HMCN1: variants seen among roughly 807,000 people sequenced by gnomAD.
HMCN1 encodes the protein hemicentin 1.
In HMCN1, 321 loss-of-function variants were observed where a neutral mutation model predicts 625.9. The ratio of observed to expected loss-of-function variants is 0.51; its 90% CI spans 0.47 to 0.56. The LOEUF (loss-of-function observed/expected upper bound fraction) is 0.56. Ranked by LOEUF, HMCN1 falls within the 20% of genes least tolerant of loss-of-function variation. The probability of loss-of-function intolerance (pLI) is 0.00; values close to 1 mark genes in which losing one functional copy is unlikely to be tolerated. For missense variants in HMCN1, 6,588 were observed against 6,887.3 expected (o/e 0.96, Z 1.54); for synonymous variants, 2,425 against 2,417.6 (o/e 1.00, Z -0.09).
chr1:186,182,053 TA>T, intron 104 of HMCN1, 114 bp from the exon 105 acceptor site: 1 of 1,180,968 alleles, frequency 8.5e-7, no homozygotes, highest in Non-Finnish European at 1.3e-6. Flanking sequence ...CACATGAGTA[TA>T]AAATCACCAA....
At position 186,117,528 on chromosome 1, in the gene HMCN1, G is replaced by A; in HGVS notation, c.11753G>A (p.Cys3918Tyr). 6.2e-7 allele frequency: 1 copy of A among 1,613,532 alleles called. No homozygotes were observed. The highest frequency in any genetic ancestry group is 8.5e-7 in the Non-Finnish European group (1 of 1,179,534). ...VTKHAPAVIT[C>Y]TASGVPFPSI... ...AAACATGCCCCAGCAGTAATTACCT[G>A]CACTGCTTCGGGAGTTCCATTTCCC... Residue 3918 changes from cysteine to tyrosine, a missense_variant, in exon 77 of 107, where the codon TGC becomes TAC. By Grantham distance (194) the Cys-to-Tyr change is radical. This residue lies in a region of HMCN1 where 4,628 missense variants were observed against 4,853.1 expected (regional missense o/e 0.95). Transcript: ENST00000271588.
At chr1:186,010,062 C>A (rs1653893900) in intron 30 of HMCN1, among the ~76,000 whole-genome samples, 1 of 152,086 alleles carries the variant, frequency 6.6e-6, no homozygotes, top group Admixed American at 6.6e-5. Context: ...GCTCGTCCGT[C>A]ACCTCCTGCT....
chr1:185,993,314 G>A lies in HMCN1; in HGVS notation c.3505+5G>A. 2 of 1,612,358 alleles carry A rather than the reference G, an allele frequency of 1.2e-6. No individual in the cohort carries two copies. Among genetic ancestry groups the A allele is most frequent in the East Asian group, 4.5e-5 (2 of 44,780 alleles). On this transcript the variant is annotated splice_donor_5th_base_variant and intron_variant, in intron 23 of 106. Transcript: ENST00000271588. The stretch of plus-strand genomic sequence containing the variant: ...CTGTCAAATTAAATGTCCATGGTGA[G>A]TCTTGAAATGAGAACATATGACAAC...
intron 4 of HMCN1, among the ~76,000 whole-genome samples, 163 bp downstream of exon 4, chr1:185,866,026 G>C (rs1663170422): frequency 6.6e-6 from 1 of 151,890 alleles, no homozygotes; most frequent in South Asian, 2.1e-4. Context: ...AAGAAATATA[G>C]GTATATTTAT....
chr1:185,834,036 C>A (rs564399865), intron 1 of HMCN1, among the ~76,000 whole-genome samples: 11 of 152,238 alleles, frequency 7.2e-5, no homozygotes, highest in African/African-American at 2.2e-4. Flanking sequence ...GTAGTGATTT[C>A]TGTATATTGT....
intron 96 of HMCN1, among the ~76,000 whole-genome samples, chr1:186,153,399 A>C (rs10911835): frequency 0.085 from 12,938 of 152,208 alleles, 687 homozygotes; most frequent in Admixed American, 0.15. Context: ...TGAAGGAGGC[A>C]ATAAATAAAA....
chr1:185,934,094 GATAA>G lies in HMCN1; in HGVS notation c.1828+274_1828+277del, dbSNP rs1286722005. Among the ~76,000 whole-genome samples the G allele has an allele frequency of 2.6e-5, 4 of 152,096 alleles. No individual in the cohort carries two copies. In the South Asian group the frequency reaches 6.2e-4, roughly 24 times the overall value. ...TAAAACAATATAAAAATTGTCTCTG[GATAA>G]ATAGTTTTAAATTCTTTAATCCATC... On this transcript the variant is annotated intron_variant, in intron 11 of 106. Coordinates refer to ENST00000271588, the MANE Select transcript of HMCN1 (RefSeq NM_031935.3).
chr1:186,075,454 AT>A (rs1457263893), intron 53 of HMCN1, among the ~76,000 whole-genome samples: 3 of 152,172 alleles, frequency 2.0e-5, no homozygotes, highest in Non-Finnish European at 4.4e-5. Context: ...TTGAATGATG[AT>A]TATGGCTTTT....
chr1:186,134,845 CCTT>C (rs1179875203), intron 86 of HMCN1, among the ~76,000 whole-genome samples: 1 of 152,136 alleles, frequency 6.6e-6, no homozygotes, highest in Non-Finnish European at 1.5e-5. Flanking sequence ...CCATCATGCT[CCTT>C]CTCAAGAATG....
At chr1:186,053,173 G>A (rs1657082269) in intron 43 of HMCN1, 99 bp downstream of exon 43, 3 of 1,163,928 alleles carry the variant, frequency 2.6e-6, no homozygotes, top group Admixed American at 1.8e-5. Flanking sequence ...AATTTTCCTG[G>A]GGTTTGCATA....
At chr1:185,984,604 T>C (rs1651887062) in intron 19 of HMCN1, among the ~76,000 whole-genome samples, 1 of 152,294 alleles carries the variant, frequency 6.6e-6, no homozygotes, top group African/African-American at 2.4e-5. Context: ...TGTTTAAAAA[T>C]ACATTTTAAT....
chr1:185,954,224 A>G (rs1291416206), intron 11 of HMCN1, among the ~76,000 whole-genome samples: 1 of 152,132 alleles, frequency 6.6e-6, no homozygotes, highest in Non-Finnish European at 1.5e-5. Context: ...ACAACCCATA[A>G]TGAAAAATAT....
chr1:186,055,354 T>C, intron 44 of HMCN1, 39 bp from the exon 45 acceptor site: 2 of 1,596,786 alleles, frequency 1.3e-6, no homozygotes, highest in Non-Finnish European at 1.7e-6. Context: ...AAGCAAACAT[T>C]TCCTCTTTTG....
At chr1:185,894,461 G>A (rs555069338) in intron 4 of HMCN1, among the ~76,000 whole-genome samples, 1 of 152,294 alleles carries the variant, frequency 6.6e-6, no homozygotes, top group East Asian at 1.9e-4. Flanking sequence ...GAACATTCTA[G>A]GACATTTCAT....
At chr1:185,995,804 A>C (rs1652745894) in intron 24 of HMCN1, among the ~76,000 whole-genome samples, 1 of 152,154 alleles carries the variant, frequency 6.6e-6, no homozygotes, top group South Asian at 2.1e-4. Context: ...ACTGGAAAGA[A>C]CCGGCCACAT....
At chr1:185,735,609 C>A (rs1483827263) in intron 1 of HMCN1, among the ~76,000 whole-genome samples, 2 of 152,198 alleles carry the variant, frequency 1.3e-5, no homozygotes, top group African/African-American at 2.4e-5. Flanking sequence ...TGCACCAGGG[C>A]ATCATTAGAT....
At chr1:185,747,360 CCAGGCTGGAGTG>C (rs1654485591) in intron 1 of HMCN1, among the ~76,000 whole-genome samples, 1 of 151,816 alleles carries the variant, frequency 6.6e-6, no homozygotes, top group Non-Finnish European at 1.5e-5. Context: ...ACTTCATCAC[CCAGGCTGGAGTG>C]CAGTGGCGTG....
rs181965035 is a variant in HMCN1 at position 185,976,064 on chromosome 1, A to G, written c.2372-1723A>G. On this transcript the variant is annotated intron_variant, in intron 15 of 106. Coordinates refer to ENST00000271588, the MANE Select transcript of HMCN1 (RefSeq NM_031935.3). Reference sequence around the variant, plus strand: ...AAATATAAACTCTCTAGGAAATAAAAAACAAATGTAGTCTAACAACAGGTT... The same window carrying G: ...AAATATAAACTCTCTAGGAAATAAAGAACAAATGTAGTCTAACAACAGGTT... 9.7e-3 allele frequency among the ~76,000 whole-genome samples: 1,480 copies of G among 152,308 alleles called. 12 individuals carry two copies. Among genetic ancestry groups the G allele is most frequent in the Middle Eastern group, 0.02 (6 of 294 alleles).
chr1:186,186,301 T>C (rs942577340), intron 105 of HMCN1, among the ~76,000 whole-genome samples: 3 of 152,078 alleles, frequency 2.0e-5, no homozygotes, highest in Non-Finnish European at 2.9e-5. Context: ...CCGAGGTGGG[T>C]GGATCACCAA....
Sources: allele counts gnomAD v4.1 joint callset (sites outside exome capture counted in the v4.1 genomes callset), GRCh38; gene constraint gnomAD v4.1.1; regional missense constraint gnomAD v4.1.1; transcripts MANE v1.5; gene names NCBI Gene and HGNC (gene_info 2026-07-23, HGNC 2026-07-21).